The following DOCK9 variants were observed in gnomAD, a reference collection of about 807,000 sequenced individuals.
DOCK9 encodes the protein dedicator of cytokinesis protein 9.
A neutral mutation model predicts 263.3 loss-of-function variants in DOCK9; 89 were observed. That is an observed-to-expected ratio of 0.34 (90% CI 0.28 to 0.40). The LOEUF is 0.40. DOCK9 is among the 10% of genes least tolerant of loss of function. DOCK9 has a pLI of 1.00. For synonymous variants in DOCK9, 976 were observed against 973.1 expected (o/e 1.00, Z -0.06); for missense variants, 2,140 against 2,603.4 (o/e 0.82, Z 3.87).
intron 1 of DOCK9, among the ~76,000 whole-genome samples, chr13:99,046,511 T>A (rs1484351552): frequency 6.6e-6 from 1 of 152,200 alleles, no homozygotes; most frequent in African/African-American, 2.4e-5. Context: ...ACTTAAAGGG[T>A]TGCCCAACTT....
chr13:98,869,207 C>A (rs568477061), intron 27 of DOCK9, among the ~76,000 whole-genome samples: 2 of 152,366 alleles, frequency 1.3e-5, no homozygotes, highest in African/African-American at 4.8e-5. Context: ...CTTTCCCCAA[C>A]AGGAACCTAC....
At chr13:98,796,291 A>T (rs2089393675) in intron 52 of DOCK9, 1 of 1,202,072 alleles carries the variant, frequency 8.3e-7, no homozygotes, top group East Asian at 2.5e-5. Flanking sequence ...CTGCAATGAA[A>T]ATGTACTAAC....
intron 1 of DOCK9, among the ~76,000 whole-genome samples, chr13:99,034,663 T>C (rs1266468658): frequency 3.3e-5 from 5 of 152,206 alleles, no homozygotes; most frequent in African/African-American, 7.2e-5. Flanking sequence ...CAGAGACAGA[T>C]AGGTGGACCT....
chr13:99,027,793 A>C (rs1420509639), intron 1 of DOCK9, among the ~76,000 whole-genome samples: 1 of 152,220 alleles, frequency 6.6e-6, no homozygotes, highest in Non-Finnish European at 1.5e-5. Context: ...CTCGTGGCTC[A>C]TGGCCTACAA....
chr13:98,922,680 C>T (rs1017765123), intron 5 of DOCK9, among the ~76,000 whole-genome samples: 1 of 152,148 alleles, frequency 6.6e-6, no homozygotes, highest in Non-Finnish European at 1.5e-5. Flanking sequence ...TAATGAGTGG[C>T]TAATGTTATA....
intron 1 of DOCK9, among the ~76,000 whole-genome samples, chr13:99,073,955 T>C (rs1329178266): frequency 6.6e-6 from 1 of 152,226 alleles, no homozygotes; most frequent in Non-Finnish European, 1.5e-5. Flanking sequence ...ATTCTCCAGC[T>C]TCAGATCCTT....
intron 7 of DOCK9, among the ~76,000 whole-genome samples, chr13:98,917,644 CT>C (rs1334840163): frequency 1.4e-4 from 17 of 117,478 alleles, no homozygotes; most frequent in Admixed American, 5.0e-4. Flanking sequence ...CTTTTTTTTT[CT>C]TTTTTTTTTT....
chr13:98,968,006 C>T (rs1309955854), intron 1 of DOCK9, among the ~76,000 whole-genome samples: 2 of 151,900 alleles, frequency 1.3e-5, no homozygotes, highest in Non-Finnish European at 2.9e-5. Context: ...TCCAGTGACT[C>T]GCCCCCAAAA....
intron 47 of DOCK9, chr13:98,808,816 A>G: frequency 1.5e-6 from 1 of 683,440 alleles, no homozygotes; most frequent in East Asian, 2.8e-5. Context: ...TTTAAGTTAA[A>G]TTTAGATAAA....
intron 2 of DOCK9, among the ~76,000 whole-genome samples, chr13:98,939,230 A>G (rs1208375864): frequency 6.6e-6 from 1 of 152,216 alleles, no homozygotes; most frequent in Non-Finnish European, 1.5e-5. Context: ...AGGGAGCTGG[A>G]GGGTAATTTC....
intron 1 of DOCK9, among the ~76,000 whole-genome samples, chr13:99,062,078 C>T (rs963996160): frequency 3.9e-5 from 6 of 152,024 alleles, no homozygotes; most frequent in African/African-American, 1.4e-4. Context: ...CGCTATGTTG[C>T]TTAGGCTGGT....
chr13:98,952,005 C>A (rs971777462), intron 2 of DOCK9, among the ~76,000 whole-genome samples: 2 of 150,728 alleles, frequency 1.3e-5, no homozygotes, highest in African/African-American at 4.9e-5. Context: ...TCAAGCGATT[C>A]TCTTGCCTCA....
At position 98,794,382 on chromosome 13, in the gene DOCK9, T is replaced by TAC; in HGVS notation, c.*242_*243dup. The stretch of plus-strand genomic sequence containing the variant: ...AATCTAAGTCCAGCTCAAGAGTGTC[T>TAC]ACCACACCTTTGTTAAGACACAATG... On this transcript the variant is annotated 3_prime_UTR_variant, in exon 53 of 53. Coordinates refer to ENST00000682017, the MANE Select transcript of DOCK9 (RefSeq NM_001366683.2). The TAC allele has an allele frequency of 1.9e-6, 1 of 534,578 alleles. No homozygotes were observed. The highest frequency in any genetic ancestry group is 3.3e-6 in the Non-Finnish European group (1 of 305,180). The allele number at this position is 534,578 out of a possible 1,614,324, so 33.1% of individuals were successfully genotyped here.
At chr13:99,016,281 C>T (rs1262261308) in intron 1 of DOCK9, among the ~76,000 whole-genome samples, 1 of 152,170 alleles carries the variant, frequency 6.6e-6, no homozygotes, top group Admixed American at 6.5e-5. Context: ...TTCAAACAAT[C>T]TTTTGCACGT....
intron 2 of DOCK9, chr13:98,950,396 T>C (rs2057273289): frequency 2.3e-6 from 2 of 868,584 alleles, no homozygotes; most frequent in Non-Finnish European, 3.7e-6. Context: ...GCCTTCCTCT[T>C]TTTCAGATTT....
At chr13:98,994,581 A>G (rs1248172793) in intron 1 of DOCK9, among the ~76,000 whole-genome samples, 1 of 152,198 alleles carries the variant, frequency 6.6e-6, no homozygotes, top group Non-Finnish European at 1.5e-5. Flanking sequence ...CAGAGAGTTC[A>G]GTGTATTCAT....
At chr13:98,797,854 T>G (rs1369459435) in intron 50 of DOCK9, among the ~76,000 whole-genome samples, 2 of 152,158 alleles carry the variant, frequency 1.3e-5, no homozygotes, top group African/African-American at 4.8e-5. Flanking sequence ...GTTTAGTCAC[T>G]GGGATTTGTG....
At chr13:99,056,437 C>G (rs901981705) in intron 1 of DOCK9, among the ~76,000 whole-genome samples, 1 of 152,048 alleles carries the variant, frequency 6.6e-6, no homozygotes, top group Non-Finnish European at 1.5e-5. Flanking sequence ...ACATTAATAT[C>G]TTTAAAAAAG....
At position 98,793,951 on chromosome 13, in the gene DOCK9, T is replaced by C. The variant is rs1424296895; in HGVS notation, c.*675A>G. The C allele has an allele frequency of 1.3e-5, 2 of 152,658 alleles. No homozygotes were observed. Among genetic ancestry groups the C allele is most frequent in the South Asian group, 2.1e-4 (1 of 4,830 alleles). The allele number at this position is 152,658 out of a possible 1,614,324, so 9.5% of individuals were successfully genotyped here. A position where few individuals can be genotyped will look rare whatever the true frequency, so the allele number is the denominator to read the frequency against. On this transcript the variant is annotated 3_prime_UTR_variant, in exon 53 of 53. Coordinates refer to ENST00000682017, the MANE Select transcript of DOCK9 (RefSeq NM_001366683.2). The stretch of plus-strand genomic sequence containing the variant: ...ATTAACAATGATATGTACATAACAA[T>C]ATACTGTACTACTTTGTACTTTTCA...
Sources: gnomAD v4.1 joint callset for allele counts (sites outside exome capture counted in the v4.1 genomes callset) on GRCh38, gnomAD v4.1.1 for gene constraint, MANE v1.5 for transcripts, NCBI Gene and HGNC (gene_info 2026-07-23, HGNC 2026-07-21) for gene names.